Variants in MITF observed in about 807,000 individuals in gnomAD.
The protein encoded by MITF is melanocyte inducing transcription factor, also known as microphthalmia-associated transcription factor.
In MITF, 17 loss-of-function variants were observed where a neutral mutation model predicts 60.5. The ratio of observed to expected loss-of-function variants is 0.28; its 90% CI spans 0.19 to 0.42. The LOEUF (loss-of-function observed/expected upper bound fraction) is 0.42. Ranked by LOEUF, MITF falls within the 10% of genes least tolerant of loss-of-function variation. MITF has a pLI of 1.00. For synonymous variants in MITF, 260 were observed against 248.5 expected (o/e 1.05, Z -0.43); for missense variants, 622 against 683.5 (o/e 0.91, Z 1.00).
chr3:69,776,899 T>C (rs1462168163), intron 1 of MITF, among the ~76,000 whole-genome samples: 3 of 152,236 alleles, frequency 2.0e-5, no homozygotes, highest in Non-Finnish European at 4.4e-5. Context: ...CTGGCTTATA[T>C]AGAACTTATA....
At chr3:69,833,152 A>G (rs1287200542) in intron 1 of MITF, among the ~76,000 whole-genome samples, 1 of 151,218 alleles carries the variant, frequency 6.6e-6, no homozygotes, top group South Asian at 2.1e-4. Context: ...TTTCCTGTTC[A>G]CATTGTATGT....
chr3:69,775,167 A>G (rs1463674487), intron 1 of MITF, among the ~76,000 whole-genome samples: 2 of 152,006 alleles, frequency 1.3e-5, no homozygotes, highest in African/African-American at 4.8e-5. Context: ...TTACATAATT[A>G]TTCTATATGC....
intron 2 of MITF, among the ~76,000 whole-genome samples, chr3:69,904,915 G>A (rs574076426): frequency 3.3e-5 from 5 of 152,006 alleles, no homozygotes; most frequent in Non-Finnish European, 4.4e-5. Flanking sequence ...AGATGTTAGC[G>A]CAACCCATTC....
chr3:69,909,119 C>G (rs9812784), intron 2 of MITF, among the ~76,000 whole-genome samples: 106 of 151,902 alleles, frequency 7.0e-4, no homozygotes, highest in African/African-American at 2.3e-3. Context: ...GGGAAGGACC[C>G]GGGGGGTTGG....
At chr3:69,782,732 G>C (rs1033353835) in intron 1 of MITF, among the ~76,000 whole-genome samples, 1 of 152,110 alleles carries the variant, frequency 6.6e-6, no homozygotes, top group African/African-American at 2.4e-5. Flanking sequence ...TATTTCTCAG[G>C]ATTTTTAGTT....
chr3:69,957,507 C>G (rs1388929159), intron 8 of MITF, among the ~76,000 whole-genome samples: 1 of 152,128 alleles, frequency 6.6e-6, no homozygotes, highest in Non-Finnish European at 1.5e-5. Context: ...GTTTTGCTTT[C>G]CCAGGTTTCA....
At chr3:69,842,714 A>G (rs1428704045) in intron 1 of MITF, among the ~76,000 whole-genome samples, 2 of 151,590 alleles carry the variant, frequency 1.3e-5, no homozygotes, top group East Asian at 1.9e-4. Context: ...TGTGTAACAA[A>G]TTTGCATTTC....
chr3:69,923,742 A>C (rs912822762), intron 2 of MITF, among the ~76,000 whole-genome samples: 1 of 152,188 alleles, frequency 6.6e-6, no homozygotes, highest in Non-Finnish European at 1.5e-5. Context: ...CTTCCTCTTT[A>C]TATGCATTAT....
rs113537311 is a variant in MITF at position 69,797,995 on chromosome 3, A to G, written c.104+58294A>G. On this transcript the variant is annotated intron_variant, in intron 1 of 9. Coordinates refer to ENST00000352241, the MANE Select transcript of MITF (RefSeq NM_001354604.2). ...TTCATTTTTAATTAATCAGCATTCA[A>G]ATTGAAGAGGAAAATCCATCCAGAA... is the stretch of plus-strand genomic sequence containing the variant. Among the ~76,000 whole-genome samples the G allele has an allele frequency of 4.3e-3, 662 of 152,328 alleles. 6 individuals are homozygous for G. Among genetic ancestry groups the G allele is most frequent in the African/African-American group, 0.015 (614 of 41,572 alleles).
In MITF at chr3:69,759,760, G is replaced by C. The variant is rs139301154; in HGVS notation, c.104+20059G>C. The stretch of plus-strand genomic sequence containing the variant: ...TTACAGAGGGAGCCACATTAATAAA[G>C]CTTTTCCAGGTACCTGATCGCTCTC... On this transcript the variant is annotated intron_variant, in intron 1 of 9. Coordinates refer to ENST00000352241, the MANE Select transcript of MITF (RefSeq NM_001354604.2). 7.1e-3 allele frequency among the ~76,000 whole-genome samples: 1,075 copies of C among 152,270 alleles called. 8 individuals carry two copies. The highest frequency in any genetic ancestry group is 0.012 in the Non-Finnish European group (824 of 68,020).
intron 1 of MITF, among the ~76,000 whole-genome samples, chr3:69,844,797 A>C (rs1226477064): frequency 6.6e-6 from 1 of 152,080 alleles, no homozygotes; most frequent in Admixed American, 6.5e-5. Context: ...AAGAAAAACT[A>C]TTTTCCAGCA....
chr3:69,855,454 T>C (rs1200179631), intron 1 of MITF, among the ~76,000 whole-genome samples: 1 of 152,138 alleles, frequency 6.6e-6, no homozygotes, highest in African/African-American at 2.4e-5. Context: ...TTAAGAGTTA[T>C]AGAAAATGCT....
At chr3:69,807,564 A>G (rs2063030026) in intron 1 of MITF, among the ~76,000 whole-genome samples, 1 of 152,234 alleles carries the variant, frequency 6.6e-6, no homozygotes, top group Non-Finnish European at 1.5e-5. Flanking sequence ...ACTATGGTTG[A>G]ATTTGATGAG....
intron 1 of MITF, among the ~76,000 whole-genome samples, chr3:69,754,580 A>G (rs1446819411): frequency 6.6e-6 from 1 of 151,270 alleles, no homozygotes; most frequent in Non-Finnish European, 1.5e-5. Context: ...TGTCAGCATC[A>G]TGCTTCCTGT....
chr3:69,887,256 C>G (rs2064641222), intron 2 of MITF, among the ~76,000 whole-genome samples: 1 of 152,134 alleles, frequency 6.6e-6, no homozygotes, highest in South Asian at 2.1e-4. Flanking sequence ...TGAAAGACCA[C>G]TTAATTTGAA....
At chr3:69,789,602 T>C (rs2062706592) in intron 1 of MITF, among the ~76,000 whole-genome samples, 1 of 152,044 alleles carries the variant, frequency 6.6e-6, no homozygotes, top group South Asian at 2.1e-4. Flanking sequence ...AAAATAGTAA[T>C]CCCAGCACTT....
At chr3:69,777,043 A>G (rs1310101091) in intron 1 of MITF, among the ~76,000 whole-genome samples, 3 of 152,210 alleles carry the variant, frequency 2.0e-5, no homozygotes. Context: ...ATATCCAGTA[A>G]AAGTCTTATA....
intron 1 of MITF, among the ~76,000 whole-genome samples, chr3:69,836,701 C>G (rs2063546751): frequency 6.6e-6 from 1 of 152,208 alleles, no homozygotes; most frequent in South Asian, 2.1e-4. Flanking sequence ...TGAAACTGCT[C>G]TTTTCAGCTT....
At chr3:69,859,923 T>G (rs2063983330) in intron 1 of MITF, among the ~76,000 whole-genome samples, 1 of 152,204 alleles carries the variant, frequency 6.6e-6, no homozygotes, top group Non-Finnish European at 1.5e-5. Flanking sequence ...ATCTTGTGAA[T>G]AACTTTGTCC....
Sources: gnomAD v4.1 joint callset for allele counts (sites outside exome capture counted in the v4.1 genomes callset) on GRCh38, gnomAD v4.1.1 for gene constraint, MANE v1.5 for transcripts, NCBI Gene and HGNC (gene_info 2026-07-23, HGNC 2026-07-21) for gene names.